Variants in BNC2 observed in about 807,000 individuals in gnomAD.
BNC2 encodes zinc finger protein basonuclin-2.
In BNC2, 20 loss-of-function variants were observed where a neutral mutation model predicts 76.3. The ratio of observed to expected loss-of-function variants is 0.26; its 90% confidence interval spans 0.18 to 0.38. BNC2 has a LOEUF of 0.38. Ranked by LOEUF, BNC2 falls within the 10% of genes least tolerant of loss-of-function variation. The pLI, the probability that BNC2 is intolerant of heterozygous loss-of-function variation, is 1.00. For synonymous variants in BNC2, 582 were observed against 514.8 expected (o/e 1.13, Z -1.77); for missense variants, 1,382 against 1,399.8 (o/e 0.99, Z 0.20).
chr9:16,795,152 G>C (rs1817610081), intron 1 of BNC2, among the ~76,000 whole-genome samples: 1 of 152,134 alleles, frequency 6.6e-6, no homozygotes, highest in African/African-American at 2.4e-5. Context: ...GACTAGAGTT[G>C]AAAACAGGAA....
At chr9:16,743,188 G>A (rs6475071) in intron 1 of BNC2, among the ~76,000 whole-genome samples, 142,525 of 152,306 alleles carry the variant, frequency 0.94, 66,775 homozygotes, top group East Asian at 0.99. Flanking sequence ...AACCACCAAC[G>A]ATGGCTTGCA....
At chr9:16,509,363 T>C (rs1313060481) in intron 5 of BNC2, among the ~76,000 whole-genome samples, 2 of 152,222 alleles carry the variant, frequency 1.3e-5, no homozygotes, top group Admixed American at 1.3e-4. Context: ...AGGCAGCTGT[T>C]GTCTACAGTC....
intron 5 of BNC2, among the ~76,000 whole-genome samples, chr9:16,501,714 G>A (rs1822522954): frequency 6.6e-6 from 1 of 152,158 alleles, no homozygotes; most frequent in Non-Finnish European, 1.5e-5. Context: ...TCCACAATTG[G>A]TTTGATGGAA....
intron 5 of BNC2, among the ~76,000 whole-genome samples, chr9:16,495,442 C>T (rs906759086): frequency 3.9e-5 from 6 of 152,180 alleles, no homozygotes; most frequent in South Asian, 2.1e-4. Context: ...AGCATTGTGA[C>T]GTGAATGTCA....
chr9:16,511,784 C>A (rs1025655160), intron 5 of BNC2, among the ~76,000 whole-genome samples: 1 of 151,786 alleles, frequency 6.6e-6, no homozygotes, highest in Non-Finnish European at 1.5e-5. Flanking sequence ...GACCTTTTGC[C>A]GATAAAGTAA....
At chr9:16,724,790 T>C (rs1421196293) in intron 3 of BNC2, among the ~76,000 whole-genome samples, 6 of 152,232 alleles carry the variant, frequency 3.9e-5, no homozygotes, top group Non-Finnish European at 8.8e-5. Context: ...GATTATTAAA[T>C]TTCAGTATTC....
At chr9:16,419,828 G>T (rs1820674628) in intron 6 of BNC2, among the ~76,000 whole-genome samples, 179 bp from the exon 7 acceptor site, 1 of 152,134 alleles carries the variant, frequency 6.6e-6, no homozygotes, top group South Asian at 2.1e-4. Context: ...GGAGTTAGTG[G>T]TGGTGGTGAG....
intron 4 of BNC2, among the ~76,000 whole-genome samples, chr9:16,573,756 T>C (rs1476348042): frequency 2.0e-5 from 3 of 152,234 alleles, no homozygotes; most frequent in Admixed American, 1.3e-4. Context: ...TATCCAGTTG[T>C]GGTAATACTT....
In BNC2 at chr9:16,418,776, AAAGGG is replaced by A; in HGVS notation, c.*208_*212del. 1 of 595,494 alleles carries A rather than the reference AAAGGG, an allele frequency of 1.7e-6. No individual in the cohort carries two copies. Among genetic ancestry groups the A allele is most frequent in the Non-Finnish European group, 2.9e-6 (1 of 339,420 alleles). 36.9% of individuals were successfully genotyped at this position (595,494 alleles called of 1,614,324 possible). ...GATCCCACTCCTTTCCCAAAACTATAAAGGGAAGTGAAAAAAATTCAAAAGCACCT... is the reference window on the plus strand; with the variant it reads ...GATCCCACTCCTTTCCCAAAACTATAAAGTGAAAAAAATTCAAAAGCACCT... On this transcript the variant is annotated 3_prime_UTR_variant, in exon 7 of 7. Coordinates refer to ENST00000380672, the MANE Select transcript of BNC2 (RefSeq NM_017637.6).
intron 1 of BNC2, among the ~76,000 whole-genome samples, chr9:16,848,202 T>C (rs1819035539): frequency 6.6e-6 from 1 of 152,084 alleles, no homozygotes; most frequent in South Asian, 2.1e-4. Context: ...AGGTTCAAAA[T>C]ATCAAAGTAA....
intron 6 of BNC2, among the ~76,000 whole-genome samples, chr9:16,426,882 T>C (rs912851312): frequency 6.6e-6 from 1 of 152,220 alleles, no homozygotes; most frequent in Non-Finnish European, 1.5e-5. Flanking sequence ...GTCATACAGA[T>C]ACATGTTGAG....
At chr9:16,845,392 C>G (rs1037016043) in intron 1 of BNC2, among the ~76,000 whole-genome samples, 1 of 152,128 alleles carries the variant, frequency 6.6e-6, no homozygotes, top group South Asian at 2.1e-4. Flanking sequence ...TCATAATATA[C>G]GCATTAGAAA....
intron 5 of BNC2, among the ~76,000 whole-genome samples, chr9:16,550,506 C>T (rs1359883100): frequency 6.6e-6 from 1 of 152,178 alleles, no homozygotes. Context: ...CAGGCACTGG[C>T]CAAGGCAGAA....
intron 5 of BNC2, among the ~76,000 whole-genome samples, chr9:16,523,312 AC>A (rs569022398): frequency 6.6e-6 from 1 of 152,038 alleles, no homozygotes; most frequent in South Asian, 2.1e-4. Context: ...TCTACTAAAA[AC>A]ACAAAAAATT....
chr9:16,644,880 T>C (rs1302479498), intron 3 of BNC2, among the ~76,000 whole-genome samples: 1 of 152,182 alleles, frequency 6.6e-6, no homozygotes, highest in Non-Finnish European at 1.5e-5. Flanking sequence ...CTTACTTTGC[T>C]TTTTCTCTTT....
intron 5 of BNC2, among the ~76,000 whole-genome samples, chr9:16,474,758 C>G (rs562585704): frequency 6.6e-6 from 1 of 152,088 alleles, no homozygotes; most frequent in Non-Finnish European, 1.5e-5. Flanking sequence ...GAATGTTTAA[C>G]TACTCAGAGA....
chr9:16,776,997 ACGCCT>A (rs1825986499), intron 1 of BNC2, among the ~76,000 whole-genome samples: 1 of 151,996 alleles, frequency 6.6e-6, no homozygotes, highest in Non-Finnish European at 1.5e-5. Context: ...ATGGTGGCAC[ACGCCT>A]GTAATCCCAG....
At chr9:16,537,412 T>G (rs868569424) in intron 5 of BNC2, among the ~76,000 whole-genome samples, 6 of 152,000 alleles carry the variant, frequency 3.9e-5, no homozygotes, top group Non-Finnish European at 7.4e-5. Context: ...TAAAAAAAAG[T>G]GGACAACAAA....
intron 3 of BNC2, among the ~76,000 whole-genome samples, chr9:16,724,335 TAAAA>T (rs952318302): frequency 4.7e-4 from 70 of 149,094 alleles, no homozygotes; most frequent in Non-Finnish European, 8.7e-4. Flanking sequence ...CAAGTGTGAT[TAAAA>T]AAAAAACTTT....
Sources: allele counts gnomAD v4.1 joint callset (sites outside exome capture counted in the v4.1 genomes callset), GRCh38; gene constraint gnomAD v4.1.1; transcripts MANE v1.5; gene names NCBI Gene and HGNC (gene_info 2026-07-23, HGNC 2026-07-21).